The following WDR43 variants were observed in gnomAD, a reference collection of about 807,000 sequenced individuals.
WDR43 encodes the protein WD repeat domain 43.
In WDR43, 13 loss-of-function variants were observed where a neutral mutation model predicts 91.4. That is an observed-to-expected ratio of 0.14 (90% confidence interval 0.09 to 0.23). The LOEUF is 0.23. Among genes scored for constraint, WDR43 ranks in the 10% least tolerant of loss-of-function variants. The pLI is 1.00. For synonymous variants in WDR43, 331 were observed against 287.9 expected, an observed-to-expected ratio of 1.15 and a Z score of -1.51; for missense variants, 780 against 809.4, an observed-to-expected ratio of 0.96 and a Z score of 0.44.
chr2:28,939,441 G>C (rs1477381667), intron 14 of WDR43, among the ~76,000 whole-genome samples: 1 of 152,198 alleles, frequency 6.6e-6, no homozygotes, highest in Non-Finnish European at 1.5e-5. Context: ...ATTCAAGGTC[G>C]TGGCAGAACA....
chr2:28,894,962 G>C lies in WDR43; in HGVS notation c.225+39G>C, dbSNP rs1324459203. ...GACTGCGCGGGGCGGGCGCCTTCCCGGGCTCGGCTTCGGGCCTCCGGGCCG... is the reference window on the plus strand; with the variant it reads ...GACTGCGCGGGGCGGGCGCCTTCCCCGGCTCGGCTTCGGGCCTCCGGGCCG... On this transcript the variant is annotated intron_variant, in intron 1 of 17. Coordinates refer to ENST00000407426, the MANE Select transcript of WDR43 (RefSeq NM_015131.3). 2.0e-6 allele frequency: 3 copies of C among 1,483,962 alleles called. No individual in the cohort carries two copies. In the East Asian group the frequency reaches 8.3e-5, roughly 41 times the overall value. 91.9% of individuals were successfully genotyped at this position (1,483,962 alleles called of 1,614,324 possible).
Position 28,912,637 on chromosome 2 carries a change from C to G in WDR43, c.533C>G (p.Pro178Arg). The change falls in exon 4 of 18, where the codon CCA becomes CGA. Residue 178 changes from proline (P) to arginine (R), a missense_variant. Coordinates refer to ENST00000407426, the MANE Select transcript of WDR43 (RefSeq NM_015131.3). ...AGTGTCAGTTCCCTATGTATCAGCC[C>G]AGATGGAAAGATGTTGCTTTCAGCT... Reference protein sequence around the residue: ...NSSVSSLCISPDGKMLLSAGR... With the variant: ...NSSVSSLCISRDGKMLLSAGR... 6.2e-7 allele frequency: 1 copy of G among 1,613,854 alleles called. No homozygotes were observed.
chr2:28,930,448 A>G (rs1466186000), intron 11 of WDR43, among the ~76,000 whole-genome samples: 1 of 152,208 alleles, frequency 6.6e-6, no homozygotes, highest in Admixed American at 6.5e-5. Flanking sequence ...GATTTCAGTG[A>G]GTGTCAATGT....
In WDR43 at chr2:28,947,334, T is replaced by G. The variant is rs1302358354; in HGVS notation, c.*555T>G. 6.6e-6 allele frequency: 1 copy of G among 152,206 alleles called. No individual in the cohort carries two copies. The highest frequency in any genetic ancestry group is 1.5e-5 in the Non-Finnish European group (1 of 68,032). The allele number at this position is 152,206 out of a possible 1,614,324, so 9.4% of individuals were successfully genotyped here. A position where few individuals can be genotyped will look rare whatever the true frequency, so the allele number is the denominator to read the frequency against. On this transcript the variant is annotated 3_prime_UTR_variant, in exon 18 of 18. Coordinates refer to ENST00000407426, the MANE Select transcript of WDR43 (RefSeq NM_015131.3). ...GTATCCCTAGCTTGTCTATTAACTG[T>G]GATAATCTGACTTGAGTCAGATTGA...
At position 28,922,804 on chromosome 2, in the gene WDR43, T is replaced by G. The variant is rs933422562; in HGVS notation, c.850-115T>G. 3 of 410,856 alleles carry G rather than the reference T, an allele frequency of 7.3e-6. No individual in the cohort carries two copies. In the Admixed American group the frequency reaches 1.4e-4, roughly 20 times the overall value. The allele number at this position is 410,856 out of a possible 1,614,324, so 25.5% of individuals were successfully genotyped here. A position where few individuals can be genotyped will look rare whatever the true frequency, so the allele number is the denominator to read the frequency against. On this transcript the variant is annotated intron_variant, in intron 6 of 17. Coordinates refer to ENST00000407426, the MANE Select transcript of WDR43 (RefSeq NM_015131.3). ...TAAATGGATTCTTGCTGTGTTTTTT[T>G]TTTTTTTTTTCTGGTTGTGTAATGG... is the stretch of plus-strand genomic sequence containing the variant.
At position 28,947,579 on chromosome 2, in the gene WDR43, T is replaced by C. The variant is rs571998884; in HGVS notation, c.*800T>C. 5 of 152,282 alleles carry C rather than the reference T, an allele frequency of 3.3e-5. No homozygotes were observed. The highest frequency in any genetic ancestry group is 7.4e-5 in the Non-Finnish European group (5 of 68,014). 9.4% of individuals were successfully genotyped at this position (152,282 alleles called of 1,614,324 possible). A position where few individuals can be genotyped will look rare whatever the true frequency, so the allele number is the denominator to read the frequency against. On this transcript the variant is annotated 3_prime_UTR_variant, in exon 18 of 18. Transcript: ENST00000407426. ...AAAAAAAATTCAGTTATAGCTGCTT[T>C]TGAAGAGGTTTCCATTTTTATTTAA...
chr2:28,946,164 T>C (rs955952637), intron 16 of WDR43, among the ~76,000 whole-genome samples: 4 of 152,018 alleles, frequency 2.6e-5, no homozygotes, highest in Non-Finnish European at 5.9e-5. Context: ...GGTGAAACCC[T>C]GTCTATACCA....
chr2:28,942,188 C>T (rs1671450625), intron 15 of WDR43, 124 bp from the exon 16 acceptor site: 2 of 828,668 alleles, frequency 2.4e-6, no homozygotes, highest in Non-Finnish European at 3.9e-6. Flanking sequence ...GTATGAAGGT[C>T]CTCCATTATG....
intron 2 of WDR43, among the ~76,000 whole-genome samples, 193 bp from the exon 3 acceptor site, chr2:28,906,267 C>G (rs1335361727): frequency 6.6e-6 from 1 of 152,130 alleles, no homozygotes; most frequent in African/African-American, 2.4e-5. Context: ...GGCCTCAGAT[C>G]ACCAGTGGAA....
At chr2:28,927,802 T>G in intron 10 of WDR43, 102 bp downstream of exon 10, 1 of 1,435,234 alleles carries the variant, frequency 7.0e-7, no homozygotes, top group Non-Finnish European at 9.4e-7. Flanking sequence ...TCTTTAGAAA[T>G]TTACTGAGAT....
chr2:28,939,014 A>T (rs1217276499), intron 14 of WDR43, among the ~76,000 whole-genome samples: 6 of 119,030 alleles, frequency 5.0e-5, no homozygotes, highest in Admixed American at 4.4e-4. Flanking sequence ...AACACTGGTG[A>T]GGGGGGTTTT....
rs762143727 is a variant in WDR43, at chr2:28,927,697, TGAG to T, written c.1304_1305+1del. The T allele has an allele frequency of 3.1e-6, 5 of 1,613,784 alleles. No individual in the cohort carries two copies. In the South Asian group the frequency reaches 3.3e-5, roughly 11 times the overall value. On this transcript the variant is annotated inframe_deletion and splice_region_variant, in exon 10 of 18. Coordinates refer to ENST00000407426, the MANE Select transcript of WDR43 (RefSeq NM_015131.3). Reference sequence around the variant, plus strand: ...AGAGCAAGAGGAAGTCAGGGGGAAATGAGGTAATGCAACTGCTTTGACCATATA... The same window carrying T: ...AGAGCAAGAGGAAGTCAGGGGGAAATGTAATGCAACTGCTTTGACCATATA...
intron 6 of WDR43, among the ~76,000 whole-genome samples, chr2:28,922,592 T>C (rs1194653910): frequency 6.6e-6 from 1 of 152,172 alleles, no homozygotes; most frequent in African/African-American, 2.4e-5. Flanking sequence ...GCAAAATGGC[T>C]TTTTCTGTAT....
intron 11 of WDR43, among the ~76,000 whole-genome samples, chr2:28,934,673 A>C (rs1052589690): frequency 6.6e-6 from 1 of 152,214 alleles, no homozygotes; most frequent in Non-Finnish European, 1.5e-5. Flanking sequence ...AGCTGTGATC[A>C]TGTCAGTGCA....
chr2:28,895,324 C>G (rs776624267), intron 1 of WDR43: 25 of 170,206 alleles, frequency 1.5e-4, no homozygotes, highest in South Asian at 1.2e-3. Flanking sequence ...TGTCTGTGAT[C>G]CGGCTCATCA....
Position 28,938,014 on chromosome 2 carries a change from G to T in WDR43, c.1620+20G>T, listed in dbSNP as rs371009281. On this transcript the variant is annotated intron_variant, in intron 14 of 17. Transcript: ENST00000407426. The stretch of plus-strand genomic sequence containing the variant: ...TCCACGGTGAGTCTTTTCAGCTTCT[G>T]TTGCCGAGTATGAATAGTTTGGCTT... The T allele has an allele frequency of 2.5e-6, 4 of 1,611,042 alleles. No homozygotes were observed. Among genetic ancestry groups the T allele is most frequent in the Non-Finnish European group, 3.4e-6 (4 of 1,177,852 alleles).
chr2:28,913,599 T>C, intron 4 of WDR43: 1 of 510,522 alleles, frequency 2.0e-6, no homozygotes, highest in Non-Finnish European at 3.9e-6. Flanking sequence ...TATTTGACTG[T>C]GGAGATTTAG....
intron 11 of WDR43, among the ~76,000 whole-genome samples, chr2:28,932,806 G>A (rs570499719): frequency 1.1e-4 from 17 of 152,314 alleles, no homozygotes; most frequent in East Asian, 9.6e-4. Flanking sequence ...TGCAAAAAGA[G>A]AAGCGTATTT....
At chr2:28,906,220 C>T (rs906776605) in intron 2 of WDR43, among the ~76,000 whole-genome samples, 5 of 152,100 alleles carry the variant, frequency 3.3e-5, no homozygotes, top group African/African-American at 9.7e-5. Flanking sequence ...CTAACATGGT[C>T]GCCTCTATTT....
Sources: allele counts gnomAD v4.1 joint callset (sites outside exome capture counted in the v4.1 genomes callset), GRCh38; gene constraint gnomAD v4.1.1; transcripts MANE v1.5; gene names NCBI Gene and HGNC (gene_info 2026-07-23, HGNC 2026-07-21).